UNC13C: variants seen among roughly 807,000 people sequenced by gnomAD.
UNC13C encodes the protein protein unc-13 homolog C.
UNC13C carries 174 observed loss-of-function variants against 245.4 expected under a neutral mutation model. The observed-to-expected ratio is 0.71, with a 90% CI of 0.63 to 0.80. The LOEUF (loss-of-function observed/expected upper bound fraction) is 0.80, where lower values mean the gene tolerates loss of function less well. UNC13C is among the 30% of genes least tolerant of loss of function. The pLI is 0.00. For synonymous variants in UNC13C, 992 were observed against 895.1 expected (o/e 1.11, Z -1.93); for missense variants, 2,829 against 2,602.9 (o/e 1.09, Z -1.89).
At chr15:54,033,578 A>C (rs997035054) in intron 2 of UNC13C, among the ~76,000 whole-genome samples, 4 of 152,168 alleles carry the variant, frequency 2.6e-5, no homozygotes, top group African/African-American at 9.7e-5. Flanking sequence ...AGTGGGCCCC[A>C]AGAAGGACCT....
chr15:54,368,507 A>G (rs1202290732), intron 17 of UNC13C, among the ~76,000 whole-genome samples: 1 of 152,058 alleles, frequency 6.6e-6, no homozygotes, highest in Non-Finnish European at 1.5e-5. Flanking sequence ...ATGGCAAAGA[A>G]AAATTCAACA....
chr15:54,127,622 G>A (rs1172758306), intron 2 of UNC13C, among the ~76,000 whole-genome samples: 2 of 151,196 alleles, frequency 1.3e-5, no homozygotes, highest in East Asian at 1.9e-4. Context: ...GGGTTAATGG[G>A]TACAGCAAAC....
At chr15:54,083,904 T>G (rs1899093673) in intron 2 of UNC13C, among the ~76,000 whole-genome samples, 1 of 152,164 alleles carries the variant, frequency 6.6e-6, no homozygotes, top group Non-Finnish European at 1.5e-5. Context: ...ACCATCTCAG[T>G]TTGGGTCTGA....
chr15:54,308,098 A>T (rs1428017279), intron 13 of UNC13C, among the ~76,000 whole-genome samples: 1 of 151,768 alleles, frequency 6.6e-6, no homozygotes, highest in African/African-American at 2.4e-5. Context: ...TCTTCTGTTC[A>T]TTGATTATTT....
At chr15:54,077,164 C>T (rs8028347) in intron 2 of UNC13C, among the ~76,000 whole-genome samples, 25,085 of 151,718 alleles carry the variant, frequency 0.17, 2,299 homozygotes, top group South Asian at 0.35. Context: ...ACCTTGGAAG[C>T]AAAGGGAATG....
intron 2 of UNC13C, among the ~76,000 whole-genome samples, chr15:54,095,021 C>A (rs1157443941): frequency 6.6e-6 from 1 of 152,192 alleles, no homozygotes; most frequent in Non-Finnish European, 1.5e-5. Flanking sequence ...ACATCTAAGA[C>A]AACCCCACAC....
At position 54,567,782 on chromosome 15, in the gene UNC13C, A is replaced by G. The variant is rs780091437; in HGVS notation, c.5959-18A>G. On this transcript the variant is annotated intron_variant, in intron 29 of 32. Transcript: ENST00000260323. ...TACTTCTCTCTAAATGCCTCGGCTT[A>G]TTTTTTTTTCTTTGTAGCAATACTT... 3.2e-6 allele frequency: 5 copies of G among 1,541,982 alleles called. No homozygotes were observed. The South Asian group carries it at 6.1e-5, about 19-fold the overall frequency.
chr15:54,100,224 C>T (rs1900095119), intron 2 of UNC13C, among the ~76,000 whole-genome samples: 1 of 151,896 alleles, frequency 6.6e-6, no homozygotes, highest in South Asian at 2.1e-4. Flanking sequence ...TACTTCTTCA[C>T]TTCTTGTTCT....
chr15:54,570,722 T>A (rs1897717703), intron 30 of UNC13C, among the ~76,000 whole-genome samples: 1 of 152,188 alleles, frequency 6.6e-6, no homozygotes, highest in Admixed American at 6.5e-5. Context: ...GAAAATTAGC[T>A]GCATTTTAGA....
At chr15:53,905,075 C>T in the UNC13C span, among the ~76,000 whole-genome samples, 3 of 151,918 alleles carry the variant, frequency 2.0e-5, no homozygotes, top group African/African-American at 4.8e-5. Flanking sequence ...GCATAACACA[C>T]GAAACTCTGC....
chr15:54,595,873 T>G (rs11631070), intron 30 of UNC13C, among the ~76,000 whole-genome samples: 21,768 of 152,234 alleles, frequency 0.14, 1,627 homozygotes, highest in Middle Eastern at 0.24. Context: ...AGCCAAATAA[T>G]TGAAAAGTAA....
At chr15:54,304,794 A>G (rs531540038) in intron 13 of UNC13C, among the ~76,000 whole-genome samples, 42 of 152,158 alleles carry the variant, frequency 2.8e-4, no homozygotes, top group Non-Finnish European at 2.6e-4. Flanking sequence ...GAAGAAAAAA[A>G]TTCTGTTGAC....
the UNC13C span, among the ~76,000 whole-genome samples, chr15:53,874,174 C>T: frequency 6.6e-6 from 1 of 151,980 alleles, no homozygotes; most frequent in Non-Finnish European, 1.5e-5. Context: ...CAGGGTTTTG[C>T]CATGTTGTCC....
chr15:54,443,380 A>G (rs1331137174), intron 19 of UNC13C, among the ~76,000 whole-genome samples: 1 of 151,600 alleles, frequency 6.6e-6, no homozygotes, highest in East Asian at 1.9e-4. Context: ...GATCCTTTGT[A>G]TTTTTTAGTC....
intron 17 of UNC13C, among the ~76,000 whole-genome samples, chr15:54,387,829 T>C (rs1421594736): frequency 1.3e-5 from 2 of 152,210 alleles, no homozygotes; most frequent in Non-Finnish European, 2.9e-5. Flanking sequence ...CTTGCTTTCC[T>C]TTTTGTTTCT....
chr15:54,428,317 T>G (rs1432586175), intron 19 of UNC13C, among the ~76,000 whole-genome samples: 1 of 151,652 alleles, frequency 6.6e-6, no homozygotes, highest in East Asian at 2.0e-4. Flanking sequence ...GGAGGCCCTG[T>G]CTCTGAACTC....
At chr15:54,097,937 A>C (rs546183153) in intron 2 of UNC13C, among the ~76,000 whole-genome samples, 1 of 152,236 alleles carries the variant, frequency 6.6e-6, no homozygotes, top group African/African-American at 2.4e-5. Flanking sequence ...TTGAAGAGAC[A>C]TTTCATGTAT....
rs144191585 is a variant in UNC13C, at chr15:54,604,546, C to G, written c.6107-17781C>G. On this transcript the variant is annotated intron_variant, in intron 30 of 32. Transcript: ENST00000260323. ...GGGGCTAACTTTCCTGGGGAACTCC[C>G]TGCTTCCAGTAAAAGCTCCAATTCT... Among the ~76,000 whole-genome samples the G allele has an allele frequency of 5.6e-4, 85 of 152,300 alleles. 1 individual carries two copies. Among genetic ancestry groups the G allele is most frequent in the Non-Finnish European group, 4.0e-4 (27 of 68,028 alleles).
chr15:54,367,037 TTTAA>T (rs2039381262), intron 17 of UNC13C, among the ~76,000 whole-genome samples: 1 of 152,194 alleles, frequency 6.6e-6, no homozygotes, highest in East Asian at 1.9e-4. Context: ...ATGCATGTAA[TTTAA>T]TTATGCATAA....
Sources: gnomAD v4.1 joint callset for allele counts (sites outside exome capture counted in the v4.1 genomes callset) on GRCh38, gnomAD v4.1.1 for gene constraint, MANE v1.5 for transcripts, NCBI Gene and HGNC (gene_info 2026-07-23, HGNC 2026-07-21) for gene names.